Variants in ERRFI1 observed in about 807,000 individuals in gnomAD.
ERRFI1 encodes the protein mitogen-inducible gene 6 protein.
A neutral mutation model predicts 14.6 loss-of-function variants in ERRFI1; 12 were observed. That is an observed-to-expected ratio of 0.82 (90% confidence interval 0.53 to 1.33). The LOEUF (loss-of-function observed/expected upper bound fraction) is 1.33, where lower values mean the gene tolerates loss of function less well. ERRFI1 is among the 40% of genes most tolerant of loss of function. ERRFI1 has a pLI of 0.00. For missense variants in ERRFI1, 482 were observed against 572.1 expected, an observed-to-expected ratio of 0.84 and a Z score of 1.61; for synonymous variants, 202 against 209.9, an observed-to-expected ratio of 0.96 and a Z score of 0.32.
At chr1:8,022,141 T>C (rs1641281880) in intron 1 of ERRFI1, among the ~76,000 whole-genome samples, 1 of 152,224 alleles carries the variant, frequency 6.6e-6, no homozygotes, top group African/African-American at 2.4e-5. Flanking sequence ...AAGGCATCAA[T>C]TTGACATTCT....
chr1:8,015,429 A>G, intron 2 of ERRFI1, 45 bp from the exon 3 acceptor site: 1 of 1,614,092 alleles, frequency 6.2e-7, no homozygotes. Flanking sequence ...AAGAGCAATC[A>G]CAGCCTCTCC....
intron 1 of ERRFI1, 55 bp downstream of exon 1, chr1:8,026,103 G>A (rs1641344871): frequency 6.6e-6 from 1 of 151,770 alleles, no homozygotes; most frequent in South Asian, 2.1e-4. Context: ...GGCCCCCTGA[G>A]GGAACGGAGC....
In ERRFI1 at chr1:8,020,551, A is replaced by ATT. The variant is rs1557467071; in HGVS notation, c.-73-4860_-73-4859insAA. 2.7e-3 allele frequency among the ~76,000 whole-genome samples: 314 copies of ATT among 117,214 alleles called. 2 individuals carry two copies. The highest frequency in any genetic ancestry group is 9.6e-3 in the African/African-American group (294 of 30,708). 76.9% of individuals were successfully genotyped at this position (117,214 alleles called of 152,430 possible). ...ACAAACAAACAAACAAAAAAACACCAATTTTTTTTTTTTTTTTTTGAGACG... is the reference window on the plus strand; with the variant it reads ...ACAAACAAACAAACAAAAAAACACCATTATTTTTTTTTTTTTTTTTTGAGACG... On this transcript the variant is annotated intron_variant, in intron 1 of 3. Coordinates refer to ENST00000377482, the MANE Select transcript of ERRFI1 (RefSeq NM_018948.4).
intron 1 of ERRFI1, among the ~76,000 whole-genome samples, chr1:8,025,773 C>G (rs991087938): frequency 9.2e-5 from 14 of 152,186 alleles, no homozygotes; most frequent in African/African-American, 3.4e-4. Flanking sequence ...CCCGAACCCC[C>G]GTCCGCTCCT....
intron 1 of ERRFI1, among the ~76,000 whole-genome samples, chr1:8,024,530 C>T (rs796118702): frequency 5.3e-5 from 8 of 152,328 alleles, no homozygotes; most frequent in South Asian, 2.1e-4. Flanking sequence ...CTATACAAGG[C>T]AGAGTGCCTA....
At chr1:8,024,067 C>T (rs1478086386) in intron 1 of ERRFI1, among the ~76,000 whole-genome samples, 1 of 152,228 alleles carries the variant, frequency 6.6e-6, no homozygotes, top group Non-Finnish European at 1.5e-5. Flanking sequence ...CACCTCCTTT[C>T]CTTCCTCTGC....
At chr1:8,015,071 A>C (rs1641153526) in intron 3 of ERRFI1, 1 of 480,736 alleles carries the variant, frequency 2.1e-6, no homozygotes, top group Non-Finnish European at 3.7e-6. Context: ...ATTTTAGAAG[A>C]TCCCACGTCC....
chr1:8,026,113 C>G (rs1051945406), intron 1 of ERRFI1, 45 bp downstream of exon 1: 2 of 151,752 alleles, frequency 1.3e-5, no homozygotes, highest in African/African-American at 2.4e-5. Context: ...GGGAACGGAG[C>G]GCTGCGTGGC....
In ERRFI1 at chr1:8,013,417, A is replaced by G; in HGVS notation, c.1182T>C (p.Tyr394=). Residue 394 remains tyrosine (Y), a synonymous_variant, in exon 4 of 4, where the codon TAT becomes TAC. Coordinates refer to ENST00000377482, the MANE Select transcript of ERRFI1 (RefSeq NM_018948.4). This position sits in a 1 kb window ranked among gnomAD's most constrained non-coding sequence, Gnocchi z 4.3. Reference sequence around the variant, plus strand: ...ATGGTGGTCGTTCAGGTAGTAGGTAATAATGTGTTGAACTAACCTTCTTCC... The same window carrying G: ...ATGGTGGTCGTTCAGGTAGTAGGTAGTAATGTGTTGAACTAACCTTCTTCC... The part of the protein sequence containing the change: ...ENGKKVSSTH[Y]YLLPERPPYL... 1 of 1,614,198 alleles carries G rather than the reference A, an allele frequency of 6.2e-7. No homozygotes were observed. The highest frequency in any genetic ancestry group is 1.1e-5 in the South Asian group (1 of 91,074).
chr1:8,015,487 CTACT>C lies in ERRFI1; in HGVS notation c.125+4_125+7del. On this transcript the variant is annotated splice_donor_5th_base_variant and intron_variant, in intron 2 of 3. Transcript: ENST00000377482. ...CCAGATTACAGCAGCATTACATCCT[CTACT>C]TACTTTTTAAACTCACTGCGACTGC... 1.9e-6 allele frequency: 3 copies of C among 1,614,136 alleles called. No homozygotes were observed. Among genetic ancestry groups the C allele is most frequent in the Non-Finnish European group, 2.5e-6 (3 of 1,179,954 alleles).
chr1:8,015,579 G>T lies in ERRFI1; in HGVS notation c.41C>A (p.Pro14Gln). Residue 14 changes from proline to glutamine, a missense_variant, in exon 2 of 4, where the codon CCA (proline) becomes CAA (glutamine). Physicochemically the swap from Pro to Gln is moderately conservative, Grantham distance 76. Transcript: ENST00000377482. ...AGVAAQEIRVPLKTGFLHNGR... is the reference protein window; with the variant it reads ...AGVAAQEIRVQLKTGFLHNGR... ...ATTATGTAGAAATCCAGTTTTTAAT[G>T]GGACTCTGATCTCCTGAGCAGCAAC... The T allele has an allele frequency of 6.2e-7, 1 of 1,614,074 alleles. No homozygotes were observed. The highest frequency in any genetic ancestry group is 1.1e-5 in the South Asian group (1 of 91,080).
chr1:8,018,571 T>C (rs867602775), intron 1 of ERRFI1, among the ~76,000 whole-genome samples: 5 of 152,336 alleles, frequency 3.3e-5, no homozygotes, highest in Middle Eastern at 3.4e-3. Flanking sequence ...GATTATGTTA[T>C]GGAATCCAAG....
chr1:8,025,558 TACCAACC>T (rs1362532912), intron 1 of ERRFI1, among the ~76,000 whole-genome samples: 1 of 152,050 alleles, frequency 6.6e-6, no homozygotes, highest in Non-Finnish European at 1.5e-5. Context: ...AGAGAACCGG[TACCAACC>T]ACCGCAAGCA....
intron 1 of ERRFI1, among the ~76,000 whole-genome samples, chr1:8,016,519 T>C (rs965662433): frequency 3.3e-5 from 5 of 152,200 alleles, no homozygotes; most frequent in Admixed American, 2.0e-4. Context: ...CTTAAATTAG[T>C]AGTTCCTCAA....
rs1297524559 is a variant in ERRFI1 at position 8,013,548 on chromosome 1, T to C, written c.1051A>G (p.Ser351Gly). The C allele has an allele frequency of 6.2e-7, 1 of 1,614,094 alleles. No homozygotes were observed. Among genetic ancestry groups the C allele is most frequent in the South Asian group, 1.1e-5 (1 of 91,070 alleles). ...YLNGVMPPTQ[S>G]FAPDPKYVSS... ...ACATACTTGGGATCAGGGGCAAAGCTCTGTGTCGGGGGCATGACCCCATTG... is the reference window on the plus strand; with the variant it reads ...ACATACTTGGGATCAGGGGCAAAGCCCTGTGTCGGGGGCATGACCCCATTG... Residue 351 changes from serine to glycine, a missense_variant, in exon 4 of 4, where the codon AGC becomes GGC. Coordinates refer to ENST00000377482, the MANE Select transcript of ERRFI1 (RefSeq NM_018948.4). This position sits in a 1 kb window ranked among gnomAD's most constrained non-coding sequence, Gnocchi z 4.3.
chr1:8,015,418 G>A (rs758066492), intron 2 of ERRFI1, 34 bp from the exon 3 acceptor site: 29 of 1,613,924 alleles, frequency 1.8e-5, no homozygotes, highest in Non-Finnish European at 1.9e-5. Flanking sequence ...GGTCATAAGC[G>A]AAGAGCAATC....
Position 8,013,793 on chromosome 1 carries a change from A to G in ERRFI1, c.806T>C (p.Ile269Thr). 1 of 1,614,156 alleles carries G rather than the reference A, an allele frequency of 6.2e-7. No homozygotes were observed. The highest frequency in any genetic ancestry group is 8.5e-7 in the Non-Finnish European group (1 of 1,180,022). ...KPAIRISNCC[I>T]HRASPNSDED... ...ATCGGAGTTAGGAGAAGCTCTGTGT[A>G]TACAACAGTTGGATATCCTTATGGC... is the stretch of plus-strand genomic sequence containing the variant. The change falls in exon 4 of 4, where the codon ATA becomes ACA. Residue 269 changes from isoleucine to threonine, a missense_variant. By Grantham distance (89) the Ile-to-Thr change is moderately conservative. Transcript: ENST00000377482. This position sits in a 1 kb window ranked among gnomAD's most constrained non-coding sequence, Gnocchi z 4.3.
Position 8,015,538 on chromosome 1 carries a change from T to A in ERRFI1, c.82A>T (p.Asn28Tyr). ...CTGCTCCAGTAGGTCTTCCTCATATTCCCCATGGCTCGGCCATTATGTAGA... is the reference window on the plus strand; with the variant it reads ...CTGCTCCAGTAGGTCTTCCTCATATACCCCATGGCTCGGCCATTATGTAGA... ...GFLHNGRAMGNMRKTYWSSRS... is the reference protein window; with the variant it reads ...GFLHNGRAMGYMRKTYWSSRS... Residue 28 changes from asparagine (N) to tyrosine (Y), a missense_variant, in exon 2 of 4, where the codon AAT (asparagine) becomes TAT (tyrosine). Transcript: ENST00000377482. 1.2e-6 allele frequency: 2 copies of A among 1,614,136 alleles called. No homozygotes were observed. The highest frequency in any genetic ancestry group is 2.2e-5 in the South Asian group (2 of 91,084).
In ERRFI1 at chr1:8,012,301, A is replaced by G. The variant is rs765463026; in HGVS notation, c.*909T>C. On this transcript the variant is annotated 3_prime_UTR_variant, in exon 4 of 4. Transcript: ENST00000377482. ...AAACCACAACACACATCCCCAAACA[A>G]TAACTCTCAATCACATAGCTAATTG... 17 of 230,726 alleles carry G rather than the reference A, an allele frequency of 7.4e-5. No homozygotes were observed. Among genetic ancestry groups the G allele is most frequent in the Non-Finnish European group, 1.4e-4 (16 of 116,184 alleles). The allele number at this position is 230,726 out of a possible 1,614,324, so 14.3% of individuals were successfully genotyped here. A position where few individuals can be genotyped will look rare whatever the true frequency, so the allele number is the denominator to read the frequency against.
Sources: allele counts gnomAD v4.1 joint callset (sites outside exome capture counted in the v4.1 genomes callset), GRCh38; gene constraint gnomAD v4.1.1; non-coding constraint Gnocchi (gnomAD v3.1); transcripts MANE v1.5; gene names NCBI Gene and HGNC (gene_info 2026-07-23, HGNC 2026-07-21).